RANBP2: variants seen among roughly 807,000 people sequenced by gnomAD.
The protein encoded by RANBP2 is RAN binding protein 2, also known as E3 SUMO-protein ligase RanBP2.
A neutral mutation model predicts 303.6 loss-of-function variants in RANBP2; 57 were observed. The observed-to-expected ratio is 0.19, with a 90% confidence interval of 0.15 to 0.23. The LOEUF is 0.23. RANBP2 is among the 10% of genes least tolerant of loss of function. RANBP2 has a pLI of 1.00. For synonymous variants in RANBP2, 1,167 were observed against 1,301.5 expected, an observed-to-expected ratio of 0.90 and a Z score of 2.23; for missense variants, 3,138 against 3,780.8, an observed-to-expected ratio of 0.83 and a Z score of 4.46.
At chr2:109,525,776 C>G in the RANBP2 span, among the ~76,000 whole-genome samples, 1 of 152,178 alleles carries the variant, frequency 6.6e-6, no homozygotes, top group Non-Finnish European at 1.5e-5. Flanking sequence ...ATCATTGATG[C>G]GTTTCCTACT....
chr2:108,739,273 C>A (rs533908001), intron 6 of RANBP2, among the ~76,000 whole-genome samples: 1 of 151,972 alleles, frequency 6.6e-6, no homozygotes, highest in Non-Finnish European at 1.5e-5. Flanking sequence ...TATGTTGGCA[C>A]GCACTTACAG....
chr2:108,916,609 T>A, the RANBP2 span, among the ~76,000 whole-genome samples: 3 of 152,282 alleles, frequency 2.0e-5, no homozygotes, highest in East Asian at 5.8e-4. Flanking sequence ...GGTCCCCAAC[T>A]GTGCCAGGCT....
the RANBP2 span, among the ~76,000 whole-genome samples, chr2:109,532,876 A>G: frequency 6.6e-6 from 1 of 152,174 alleles, no homozygotes; most frequent in African/African-American, 2.4e-5. Flanking sequence ...AGCTCTCACC[A>G]TCTTCGGCCC....
the RANBP2 span, among the ~76,000 whole-genome samples, chr2:109,524,529 G>A: frequency 0.046 from 6,871 of 150,792 alleles, 543 homozygotes; most frequent in African/African-American, 0.16. Flanking sequence ...GGCCGAGGTA[G>A]GCAGATTACT....
the RANBP2 span, among the ~76,000 whole-genome samples, chr2:108,854,622 A>T: frequency 1.3e-5 from 2 of 152,154 alleles, no homozygotes; most frequent in African/African-American, 4.8e-5. Flanking sequence ...TTAGTGGCTT[A>T]GCTCAACCAC....
chr2:108,937,702 AGTGTATGTGT>A, the RANBP2 span, among the ~76,000 whole-genome samples: 2 of 148,508 alleles, frequency 1.3e-5, no homozygotes, highest in Non-Finnish European at 1.5e-5. Flanking sequence ...TATGTGTGTG[AGTGTATGTGT>A]GTGTATGTGT....
chr2:108,754,336 G>A (rs1028443877), intron 15 of RANBP2, among the ~76,000 whole-genome samples: 25 of 151,420 alleles, frequency 1.7e-4, no homozygotes, highest in Non-Finnish European at 2.2e-4. Flanking sequence ...CAACTTAAGA[G>A]CATTTCTTCT....
At chr2:108,900,369 A>C in the RANBP2 span, among the ~76,000 whole-genome samples, 11 of 152,304 alleles carry the variant, frequency 7.2e-5, no homozygotes, top group South Asian at 1.5e-3. Context: ...CAGCCTGGTC[A>C]ACACGGTGAA....
At chr2:109,259,417 G>A in the RANBP2 span, among the ~76,000 whole-genome samples, 1 of 152,230 alleles carries the variant, frequency 6.6e-6, no homozygotes, top group Non-Finnish European at 1.5e-5. Flanking sequence ...GGTCTACTCT[G>A]TTGTGATTTC....
chr2:108,748,374 ATTTTT>A (rs34247750), intron 8 of RANBP2, among the ~76,000 whole-genome samples: 46 of 130,742 alleles, frequency 3.5e-4, no homozygotes, highest in Non-Finnish European at 3.7e-4. Flanking sequence ...GGGCCGGCTA[ATTTTT>A]TTTTTTTTTT....
chr2:109,629,204 A>AAATG, the RANBP2 span, among the ~76,000 whole-genome samples: 1 of 7,972 alleles, frequency 1.3e-4, no homozygotes, highest in Admixed American at 1.1e-3. Context: ...TCCGTCTCAA[A>AAATG]AATAAATAAA....
chr2:108,894,041 T>C, the RANBP2 span, among the ~76,000 whole-genome samples: 1 of 152,100 alleles, frequency 6.6e-6, no homozygotes, highest in Non-Finnish European at 1.5e-5. Context: ...CCAGTTAAGG[T>C]ATTCCAACAG....
the RANBP2 span, among the ~76,000 whole-genome samples, chr2:109,612,116 T>C: frequency 6.6e-6 from 1 of 151,808 alleles, no homozygotes; most frequent in Non-Finnish European, 1.5e-5. Flanking sequence ...AATCATACCA[T>C]GGAATACTAC....
chr2:109,506,304 C>G, the RANBP2 span, among the ~76,000 whole-genome samples: 1 of 152,206 alleles, frequency 6.6e-6, no homozygotes. Context: ...TCTTCTTTCT[C>G]GGGAGAAAGG....
chr2:109,012,814 T>C, the RANBP2 span, among the ~76,000 whole-genome samples: 1 of 152,216 alleles, frequency 6.6e-6, no homozygotes, highest in East Asian at 1.9e-4. Flanking sequence ...CTCGGGAGGC[T>C]GAGGCAGGAG....
the RANBP2 span, among the ~76,000 whole-genome samples, chr2:109,706,794 G>T: frequency 6.6e-6 from 1 of 152,222 alleles, no homozygotes; most frequent in African/African-American, 2.4e-5. Flanking sequence ...GGTTACTTCA[G>T]ATACAAGGAT....
the RANBP2 span, among the ~76,000 whole-genome samples, chr2:109,136,582 C>T: frequency 2.6e-5 from 4 of 152,142 alleles, no homozygotes; most frequent in Admixed American, 2.0e-4. Flanking sequence ...GATGGCTCTG[C>T]ACATCCTTGG....
the RANBP2 span, chr2:109,564,108 AAC>A: frequency 3.2e-6 from 1 of 317,350 alleles, no homozygotes; most frequent in East Asian, 4.6e-5. Flanking sequence ...CATGAACTGA[AAC>A]AGGGGGCCTC....
At chr2:109,568,774 T>C in the RANBP2 span, among the ~76,000 whole-genome samples, 4 of 152,196 alleles carry the variant, frequency 2.6e-5, no homozygotes, top group African/African-American at 9.7e-5. Flanking sequence ...CTTCTCTTTG[T>C]GCCTCGTTTC....
Sources: gnomAD v4.1 joint callset for allele counts (sites outside exome capture counted in the v4.1 genomes callset) on GRCh38, gnomAD v4.1.1 for gene constraint, MANE v1.5 for transcripts, NCBI Gene and HGNC (gene_info 2026-07-23, HGNC 2026-07-21) for gene names.